Variants in ADGRE2 observed in about 807,000 individuals in gnomAD.
ADGRE2 encodes the protein adhesion G protein-coupled receptor E2, also known as CD97 antigen.
In ADGRE2, 83 loss-of-function variants were observed where a neutral mutation model predicts 100.8. That is an observed-to-expected ratio of 0.82 (90% CI 0.69 to 0.99). The LOEUF (loss-of-function observed/expected upper bound fraction) is 0.99. ADGRE2 is among the 50% of genes least tolerant of loss of function. The pLI is 0.00. For synonymous variants in ADGRE2, 355 were observed against 413.0 expected, an observed-to-expected ratio of 0.86 and a Z score of 1.70; for missense variants, 814 against 1,035.7, an observed-to-expected ratio of 0.79 and a Z score of 2.94.
In ADGRE2 at chr19:14,755,639, TCCA is replaced by T. The variant is rs774869373; in HGVS notation, c.1416+12_1416+14del. 8.7e-6 allele frequency: 14 copies of T among 1,611,300 alleles called. No homozygotes were observed. The African/African-American group carries it at 1.7e-4, about 20-fold the overall frequency. On this transcript the variant is annotated intron_variant, in intron 13 of 20. Transcript: ENST00000315576. Reference sequence around the variant, plus strand: ...TCAGACTATTCACCCACCAACCAACTCCACCAGCACTCACACGGTGGGAGAAGG... The same window carrying T: ...TCAGACTATTCACCCACCAACCAACTCCAGCACTCACACGGTGGGAGAAGG...
At chr19:14,725,682 A>C in the ADGRE2 span, among the ~76,000 whole-genome samples, 2 of 152,370 alleles carry the variant, frequency 1.3e-5, no homozygotes. Context: ...GCAGTCATTA[A>C]ATCTTAAAGC....
At position 14,756,331 on chromosome 19, in the gene ADGRE2, CCT is replaced by C; in HGVS notation, c.1097_1098del (p.Glu366GlyfsTer30). The C allele has an allele frequency of 6.2e-7, 1 of 1,613,530 alleles. No individual in the cohort carries two copies. Among genetic ancestry groups the C allele is most frequent in the African/African-American group, 1.3e-5 (1 of 75,036 alleles). On this transcript the variant is annotated frameshift_variant, in exon 12 of 21. Transcript: ENST00000315576. LOFTEE classifies it high-confidence loss of function. ...ACACTCCTGTCTACTTGCTTCTGCA[CCT>C]CCAGGGACAATTCTATGAGTTGTGG... ...SYPAGTELSL[E>X]VQKQVDRSVT...
At chr19:14,753,384 C>A (rs1392966391) in intron 14 of ADGRE2, among the ~76,000 whole-genome samples, 2 of 152,074 alleles carry the variant, frequency 1.3e-5, no homozygotes, top group Middle Eastern at 3.4e-3. Context: ...TGGCTTGCTG[C>A]CTGGGAGGAT....
chr19:14,774,786 G>A lies in ADGRE2; in HGVS notation c.32-480C>T, dbSNP rs187821079. On this transcript the variant is annotated intron_variant, in intron 2 of 20. Transcript: ENST00000315576. ...CCTCCTGGGTTCAAGCAATTCTCCT[G>A]CCTCAACCTCCCAAATAGCTGGGAC... 7.4e-5 allele frequency among the ~76,000 whole-genome samples: 11 copies of A among 149,050 alleles called. No homozygotes were observed. In the Admixed American group the frequency reaches 7.6e-4, roughly 10 times the overall value.
intron 18 of ADGRE2, among the ~76,000 whole-genome samples, chr19:14,745,886 T>G (rs989523043): frequency 6.6e-6 from 1 of 152,226 alleles, no homozygotes; most frequent in African/African-American, 2.4e-5. Flanking sequence ...CTTAAGAGAG[T>G]GACCTCCAGT....
intron 11 of ADGRE2, among the ~76,000 whole-genome samples, chr19:14,757,228 C>T (rs1344400338): frequency 1.3e-5 from 2 of 152,158 alleles, no homozygotes; most frequent in Non-Finnish European, 2.9e-5. Flanking sequence ...ATAAAAGGCC[C>T]TCTCTAAATG....
rs140311413 is a variant in ADGRE2 at position 14,767,584 on chromosome 19, A to T, written c.356-475T>A. 3.4e-3 allele frequency among the ~76,000 whole-genome samples: 517 copies of T among 152,208 alleles called. 3 individuals are homozygous for T. Among genetic ancestry groups the T allele is most frequent in the African/African-American group, 0.012 (505 of 41,548 alleles). ...CACACAGAGGTGTCCCATGGTGAGC[A>T]TGGTGGCCCAGGCCTTCTGTTGTTC... On this transcript the variant is annotated intron_variant, in intron 5 of 20. Coordinates refer to ENST00000315576, the MANE Select transcript of ADGRE2 (RefSeq NM_013447.4).
At chr19:14,764,066 C>T (rs370418732) in intron 11 of ADGRE2, among the ~76,000 whole-genome samples, 11 of 151,514 alleles carry the variant, frequency 7.3e-5, no homozygotes, top group African/African-American at 2.7e-4. Flanking sequence ...TCCTCCTCTT[C>T]GTCTTCTCTT....
chr19:14,744,884 C>T (rs1230908501), intron 18 of ADGRE2, among the ~76,000 whole-genome samples: 1 of 149,228 alleles, frequency 6.7e-6, no homozygotes, highest in Non-Finnish European at 1.5e-5. Context: ...AGAAAATGTA[C>T]GTGTTCTTTG....
At chr19:14,766,134 G>C in intron 7 of ADGRE2, 101 bp downstream of exon 7, 1 of 1,572,818 alleles carries the variant, frequency 6.4e-7, no homozygotes, top group Non-Finnish European at 8.7e-7. Flanking sequence ...TGACACAGTC[G>C]GGCGCCTCCA....
intron 7 of ADGRE2, 189 bp downstream of exon 7, chr19:14,766,046 A>G (rs1171380289): frequency 9.4e-6 from 12 of 1,272,506 alleles, no homozygotes; most frequent in Non-Finnish European, 2.2e-6. Flanking sequence ...GGTCCCCCTG[A>G]GCCTCCCCCC....
Position 14,736,096 on chromosome 19 carries a change from C to T in ADGRE2, c.*140G>A. 1 of 772,808 alleles carries T rather than the reference C, an allele frequency of 1.3e-6. No homozygotes were observed. The highest frequency in any genetic ancestry group is 2.1e-6 in the Non-Finnish European group (1 of 468,468). 47.9% of individuals were successfully genotyped at this position (772,808 alleles called of 1,614,324 possible). The stretch of plus-strand genomic sequence containing the variant: ...AGGAATTGAATGCCTAGCACGCCTT[C>T]CATAACATCCTTCATATTGCTGACA... On this transcript the variant is annotated 3_prime_UTR_variant, in exon 21 of 21. Transcript: ENST00000315576.
At chr19:14,766,823 C>G (rs2043999034) in intron 6 of ADGRE2, among the ~76,000 whole-genome samples, 155 bp downstream of exon 6, 1 of 152,216 alleles carries the variant, frequency 6.6e-6, no homozygotes, top group Non-Finnish European at 1.5e-5. Context: ...GCGAGTCCTT[C>G]CTGGGAGGTG....
chr19:14,743,365 A>G (rs1001165342), intron 20 of ADGRE2, 55 bp downstream of exon 20: 1 of 1,417,052 alleles, frequency 7.1e-7, no homozygotes, highest in Non-Finnish European at 1.0e-6. Context: ...TGATAGGCAC[A>G]TGCTCCTCAG....
downstream of ADGRE2, chr19:14,731,585 C>CT (rs145623036): frequency 2.5e-3 from 446 of 176,894 alleles, 1 homozygote; most frequent in South Asian, 6.7e-3. Flanking sequence ...GCTCCTTTGT[C>CT]TGCTGTCTTT....
chr19:14,754,805 G>T, intron 14 of ADGRE2, 149 bp downstream of exon 14: 1 of 806,160 alleles, frequency 1.2e-6, no homozygotes, highest in Non-Finnish European at 1.9e-6. Context: ...AGTCTTGTAA[G>T]ACCCTGAGCA....
At chr19:14,768,580 A>T (rs1255480135) in intron 5 of ADGRE2, among the ~76,000 whole-genome samples, 2 of 152,096 alleles carry the variant, frequency 1.3e-5, no homozygotes, top group Non-Finnish European at 2.9e-5. Flanking sequence ...CTGGGAGAGG[A>T]TCAGGCTTGG....
chr19:14,767,786 G>T (rs562399356), intron 5 of ADGRE2, among the ~76,000 whole-genome samples: 2 of 152,350 alleles, frequency 1.3e-5, no homozygotes, highest in East Asian at 1.9e-4. Context: ...TTGGTTCCCA[G>T]TGGCAGTCCT....
chr19:14,740,450 C>T (rs182270790), intron 20 of ADGRE2, among the ~76,000 whole-genome samples: 41 of 151,508 alleles, frequency 2.7e-4, no homozygotes, highest in African/African-American at 8.0e-4. Context: ...GGAGAAATCC[C>T]GTCTCTAGTA....
Sources: allele counts gnomAD v4.1 joint callset (sites outside exome capture counted in the v4.1 genomes callset), GRCh38; gene constraint gnomAD v4.1.1; transcripts MANE v1.5; gene names NCBI Gene and HGNC (gene_info 2026-07-23, HGNC 2026-07-21).